The following ACBD6 variants were observed in gnomAD, a reference collection of about 807,000 sequenced individuals.
The protein encoded by ACBD6 is acyl-CoA binding domain containing 6, also known as acyl-CoA-binding domain-containing protein 6.
ACBD6 carries 28 observed loss-of-function variants against 37.2 expected under a neutral mutation model. That is an observed-to-expected ratio of 0.75 (90% CI 0.56 to 1.03). The LOEUF is 1.03. ACBD6 is among the 50% of genes least tolerant of loss of function. The pLI, the probability that ACBD6 is intolerant of heterozygous loss-of-function variation, is 0.00. For synonymous variants in ACBD6, 113 were observed against 126.8 expected, an observed-to-expected ratio of 0.89 and a Z score of 0.73; for missense variants, 340 against 337.4, an observed-to-expected ratio of 1.01 and a Z score of -0.06.
intron 3 of ACBD6, among the ~76,000 whole-genome samples, chr1:180,451,353 G>A (rs777365112): frequency 2.6e-5 from 4 of 152,142 alleles, no homozygotes; most frequent in South Asian, 2.1e-4. Context: ...ATTACCATTC[G>A]ATCCAGCAAT....
intron 6 of ACBD6, among the ~76,000 whole-genome samples, chr1:180,335,145 CAGG>C (rs1651650776): frequency 6.6e-6 from 1 of 152,150 alleles, no homozygotes; most frequent in African/African-American, 2.4e-5. Flanking sequence ...CATTCAAATT[CAGG>C]AAATACAGAG....
intron 6 of ACBD6, among the ~76,000 whole-genome samples, chr1:180,389,359 C>G (rs1033598233): frequency 5.9e-5 from 9 of 152,140 alleles, no homozygotes; most frequent in Non-Finnish European, 1.0e-4. Context: ...GCATAGTATT[C>G]CAGGGTGTAT....
chr1:180,351,950 G>A (rs1270122232), intron 6 of ACBD6, among the ~76,000 whole-genome samples: 1 of 152,172 alleles, frequency 6.6e-6, no homozygotes, highest in South Asian at 2.1e-4. Context: ...TACATACAAA[G>A]TGAGTATTAT....
At chr1:180,449,861 T>C (rs1649631912) in intron 3 of ACBD6, among the ~76,000 whole-genome samples, 1 of 149,934 alleles carries the variant, frequency 6.7e-6, no homozygotes, top group Non-Finnish European at 1.5e-5. Flanking sequence ...TGTTCACCTA[T>C]GTAACAAACC....
intron 4 of ACBD6, among the ~76,000 whole-genome samples, chr1:180,429,744 CAAATTAAA>C (rs1230688161): frequency 2.0e-5 from 3 of 151,934 alleles, no homozygotes; most frequent in African/African-American, 4.8e-5. Flanking sequence ...TTTAATTAAA[CAAATTAAA>C]AAATTAAAAT....
chr1:180,461,157 TG>T (rs1255000590), intron 3 of ACBD6, among the ~76,000 whole-genome samples: 1 of 152,042 alleles, frequency 6.6e-6, no homozygotes, highest in Non-Finnish European at 1.5e-5. Context: ...TTTTAGAGCT[TG>T]AAGACTATGT....
intron 6 of ACBD6, among the ~76,000 whole-genome samples, chr1:180,317,399 T>C (rs1366710953): frequency 1.3e-5 from 2 of 152,146 alleles, no homozygotes; most frequent in Non-Finnish European, 2.9e-5. Context: ...CAGTTTGGGA[T>C]GGTGGAAAAG....
intron 3 of ACBD6, among the ~76,000 whole-genome samples, chr1:180,443,973 T>C (rs531549106): frequency 1.4e-4 from 21 of 151,930 alleles, no homozygotes; most frequent in Non-Finnish European, 2.8e-4. Context: ...TGTCTGAAAA[T>C]TACTGTTTCA....
At chr1:180,409,099 T>A (rs769321689) in intron 5 of ACBD6, among the ~76,000 whole-genome samples, 5 of 152,022 alleles carry the variant, frequency 3.3e-5, no homozygotes, top group Non-Finnish European at 2.9e-5. Context: ...GAGGCTACAG[T>A]GAGCCCTGAT....
intron 6 of ACBD6, among the ~76,000 whole-genome samples, chr1:180,364,063 G>A (rs913283548): frequency 1.3e-5 from 2 of 152,026 alleles, no homozygotes; most frequent in Non-Finnish European, 1.5e-5. Context: ...TTAAAAAAAG[G>A]GATGGCAAAT....
At chr1:180,380,540 G>T (rs142459905) in intron 6 of ACBD6, among the ~76,000 whole-genome samples, 2 of 151,886 alleles carry the variant, frequency 1.3e-5, no homozygotes, top group Admixed American at 6.6e-5. Context: ...GGAATTCATC[G>T]CCCTAGACTG....
At chr1:180,350,423 ATT>A (rs1652364968) in intron 6 of ACBD6, among the ~76,000 whole-genome samples, 1 of 151,986 alleles carries the variant, frequency 6.6e-6, no homozygotes, top group Non-Finnish European at 1.5e-5. Flanking sequence ...TATATTTTCT[ATT>A]GTTGTTACCG....
At chr1:180,389,686 T>C (rs1055780668) in intron 6 of ACBD6, among the ~76,000 whole-genome samples, 29 of 152,362 alleles carry the variant, frequency 1.9e-4, no homozygotes, top group African/African-American at 7.0e-4. Flanking sequence ...TTTTTAATGA[T>C]CGCCATTCTA....
intron 3 of ACBD6, among the ~76,000 whole-genome samples, chr1:180,433,469 A>G (rs1323686928): frequency 6.6e-6 from 1 of 152,194 alleles, no homozygotes; most frequent in Non-Finnish European, 1.5e-5. Context: ...CTTTCTTTCT[A>G]AGATCAGGAA....
At chr1:180,311,990 A>T (rs1253456068) in intron 7 of ACBD6, among the ~76,000 whole-genome samples, 1 of 152,230 alleles carries the variant, frequency 6.6e-6, no homozygotes, top group African/African-American at 2.4e-5. Context: ...TTATAGCTGT[A>T]AGATAACATC....
chr1:180,276,387 C>T (rs578242383), intron 9 of ACBD6: 29 of 152,340 alleles, frequency 1.9e-4, no homozygotes, highest in African/African-American at 4.1e-4. Flanking sequence ...GATCAGCCTT[C>T]GGGCCCTCTT....
chr1:180,398,515 C>CT (rs1407757589), intron 5 of ACBD6, among the ~76,000 whole-genome samples: 4 of 152,140 alleles, frequency 2.6e-5, no homozygotes, highest in Non-Finnish European at 4.4e-5. Context: ...CTATCAGTGT[C>CT]TATCACCAAA....
chr1:180,434,990 C>T (rs890174498), intron 3 of ACBD6: 57 of 947,002 alleles, frequency 6.0e-5, no homozygotes, highest in African/African-American at 8.0e-5. Context: ...GGACTGAGTA[C>T]GGCCTGACGT....
At chr1:180,328,826 C>A (rs530517779) in intron 6 of ACBD6, among the ~76,000 whole-genome samples, 2 of 151,758 alleles carry the variant, frequency 1.3e-5, no homozygotes, top group Non-Finnish European at 1.5e-5. Context: ...CTTGCAAATG[C>A]CTTTTATGAT....
Sources: allele counts gnomAD v4.1 joint callset (sites outside exome capture counted in the v4.1 genomes callset), GRCh38; gene constraint gnomAD v4.1.1; transcripts MANE v1.5; gene names NCBI Gene and HGNC (gene_info 2026-07-23, HGNC 2026-07-21).